The following RAI14 variants were observed in gnomAD, a reference collection of about 807,000 sequenced individuals.
RAI14 encodes retinoic acid induced 14.
In RAI14, 45 loss-of-function variants were observed where a neutral mutation model predicts 115.4. The observed-to-expected ratio is 0.39, with a 90% CI of 0.31 to 0.50. The LOEUF (loss-of-function observed/expected upper bound fraction) is 0.50, where lower values mean the gene tolerates loss of function less well. Ranked by LOEUF, RAI14 falls within the 20% of genes least tolerant of loss-of-function variation. The probability of loss-of-function intolerance (pLI) is 0.85; values close to 1 mark genes in which losing one functional copy is unlikely to be tolerated. For synonymous variants in RAI14, 371 were observed against 415.4 expected (o/e 0.89, Z 1.30); for missense variants, 939 against 1,131.2 (o/e 0.83, Z 2.44).
At chr5:34,802,681 A>T (rs977581651) in intron 4 of RAI14, among the ~76,000 whole-genome samples, 4 of 152,164 alleles carry the variant, frequency 2.6e-5, no homozygotes, top group Non-Finnish European at 4.4e-5. Flanking sequence ...TGGGGGAAAA[A>T]TAATTAACTA....
intron 3 of RAI14, among the ~76,000 whole-genome samples, chr5:34,766,249 C>A (rs1218511349): frequency 1.3e-5 from 2 of 152,100 alleles, no homozygotes; most frequent in Non-Finnish European, 2.9e-5. Flanking sequence ...AATCCTCCAG[C>A]CCCCAGAATG....
At chr5:34,751,548 T>A (rs1288921309) in intron 2 of RAI14, among the ~76,000 whole-genome samples, 1 of 152,252 alleles carries the variant, frequency 6.6e-6, no homozygotes, top group Non-Finnish European at 1.5e-5. Flanking sequence ...TTCTTGTGTG[T>A]GTCTTGCTTC....
chr5:34,671,504 C>T (rs1487437405), intron 1 of RAI14, among the ~76,000 whole-genome samples: 2 of 152,038 alleles, frequency 1.3e-5, no homozygotes, highest in Non-Finnish European at 2.9e-5. Context: ...TTTACATCTG[C>T]TTTGTTAGTA....
At chr5:34,700,244 G>C (rs1739892502) in intron 2 of RAI14, among the ~76,000 whole-genome samples, 1 of 152,194 alleles carries the variant, frequency 6.6e-6, no homozygotes, top group African/African-American at 2.4e-5. Flanking sequence ...CTGGGTTCAG[G>C]TCTTTGGGAG....
At chr5:34,822,359 A>G (rs893956343) in intron 14 of RAI14, among the ~76,000 whole-genome samples, 5 of 150,414 alleles carry the variant, frequency 3.3e-5, no homozygotes, top group Admixed American at 2.7e-4. Flanking sequence ...TAAGAAGAAG[A>G]AATAGCTGTA....
chr5:34,808,211 T>A (rs1755152232), intron 6 of RAI14, among the ~76,000 whole-genome samples: 1 of 152,242 alleles, frequency 6.6e-6, no homozygotes, highest in South Asian at 2.1e-4. Flanking sequence ...GTCAATTTTA[T>A]TTACTAATAT....
intron 1 of RAI14, among the ~76,000 whole-genome samples, chr5:34,669,360 G>A (rs559017394): frequency 6.6e-6 from 1 of 152,242 alleles, no homozygotes; most frequent in African/African-American, 2.4e-5. Flanking sequence ...TGCCTTGTTT[G>A]GCAACAGGCT....
chr5:34,789,234 A>G (rs1231105995), intron 3 of RAI14, among the ~76,000 whole-genome samples: 2 of 152,164 alleles, frequency 1.3e-5, no homozygotes. Context: ...GAGGATGCTG[A>G]CATTTATCAG....
intron 1 of RAI14, among the ~76,000 whole-genome samples, chr5:34,667,060 A>C (rs536563843): frequency 1.3e-5 from 2 of 152,280 alleles, no homozygotes; most frequent in South Asian, 4.1e-4. Context: ...GGAAAGGGAC[A>C]GTTAATGAGA....
intron 1 of RAI14, chr5:34,684,814 TG>T (rs1744681650): frequency 6.6e-6 from 1 of 152,194 alleles, no homozygotes; most frequent in Admixed American, 6.5e-5. Context: ...TGGGGGAATG[TG>T]AGAGGACCTG....
intron 2 of RAI14, among the ~76,000 whole-genome samples, chr5:34,690,556 G>A (rs7735792): frequency 2.0e-5 from 3 of 152,012 alleles, no homozygotes; most frequent in Non-Finnish European, 4.4e-5. Flanking sequence ...TCTGTGACCC[G>A]AGAACCATCA....
At chr5:34,680,685 C>T (rs1218848733) in intron 1 of RAI14, among the ~76,000 whole-genome samples, 3 of 152,124 alleles carry the variant, frequency 2.0e-5, no homozygotes, top group Non-Finnish European at 4.4e-5. Flanking sequence ...ACAAAATGCC[C>T]TTTCCTCCTT....
intron 1 of RAI14, among the ~76,000 whole-genome samples, chr5:34,664,810 T>C (rs546879791): frequency 6.6e-6 from 1 of 151,322 alleles, no homozygotes; most frequent in Non-Finnish European, 1.5e-5. Flanking sequence ...AAGTCCATTT[T>C]GTCATTCTTA....
chr5:34,659,769 A>G (rs1028427351), intron 1 of RAI14, among the ~76,000 whole-genome samples: 9 of 152,200 alleles, frequency 5.9e-5, no homozygotes, highest in South Asian at 2.1e-4. Context: ...ACAAATATTT[A>G]GGGTGCTTGT....
At chr5:34,656,518 C>T (rs1263166653) in intron 1 of RAI14, 43 bp downstream of exon 1, 1 of 152,046 alleles carries the variant, frequency 6.6e-6, no homozygotes, top group Non-Finnish European at 1.5e-5. Flanking sequence ...GGCGCGGGGT[C>T]CCGGGCTCGT....
In RAI14 at chr5:34,665,176, CACATATATATATGTATATATAT is replaced by C. The variant is rs1561221142; in HGVS notation, c.-49+8705_-49+8726del. Among the ~76,000 whole-genome samples, 6 of 17,680 alleles carry C rather than the reference CACATATATATATGTATATATAT, an allele frequency of 3.4e-4. 2 individuals carry two copies. The highest frequency in any genetic ancestry group is 1.2e-3 in the African/African-American group (6 of 4,906). The allele number at this position is 17,680 out of a possible 152,430, so 11.6% of individuals were successfully genotyped here. ...ATGTGTGTGTATATATATATATACA[CACATATATATATGTATATATAT>C]ACACACACCACAGTTTCTTTATCCA... On this transcript the variant is annotated intron_variant, in intron 1 of 17. Transcript: ENST00000265109.
At chr5:34,819,039 T>C (rs1756565069) in intron 13 of RAI14, among the ~76,000 whole-genome samples, 188 bp downstream of exon 13, 1 of 152,238 alleles carries the variant, frequency 6.6e-6, no homozygotes, top group Non-Finnish European at 1.5e-5. Flanking sequence ...ACCTGCATTT[T>C]AAAGAGTCTC....
At chr5:34,697,234 C>T (rs923693762) in intron 2 of RAI14, among the ~76,000 whole-genome samples, 6 of 151,620 alleles carry the variant, frequency 4.0e-5, no homozygotes, top group South Asian at 4.2e-4. Flanking sequence ...GTCGGGAGTT[C>T]GAGACCAGCC....
chr5:34,760,836 G>A (rs530940182), intron 3 of RAI14, among the ~76,000 whole-genome samples: 1 of 152,086 alleles, frequency 6.6e-6, no homozygotes, highest in Non-Finnish European at 1.5e-5. Context: ...TCACTTTCTA[G>A]TTCTAGAACT....
Sources: allele counts gnomAD v4.1 joint callset (sites outside exome capture counted in the v4.1 genomes callset), GRCh38; gene constraint gnomAD v4.1.1; transcripts MANE v1.5; gene names NCBI Gene and HGNC (gene_info 2026-07-23, HGNC 2026-07-21).